FHIP1A: variants seen among roughly 807,000 people sequenced by gnomAD.
FHIP1A encodes the protein FHF complex subunit HOOK interacting protein 1A, also known as FHF complex subunit HOOK-interacting protein 1A.
Under a neutral mutation model 88.6 loss-of-function variants are expected in FHIP1A, and 61 were observed. The observed-to-expected ratio is 0.69, with a 90% CI of 0.56 to 0.85. FHIP1A has a LOEUF of 0.85. Ranked by LOEUF, FHIP1A falls within the 40% of genes least tolerant of loss-of-function variation. The pLI, the probability that FHIP1A is intolerant of heterozygous loss-of-function variation, is 0.00. For missense variants in FHIP1A, 1,154 were observed against 1,273.5 expected (o/e 0.91, Z 1.43); for synonymous variants, 478 against 496.0 (o/e 0.96, Z 0.48).
intron 7 of FHIP1A, among the ~76,000 whole-genome samples, chr4:151,598,109 G>T (rs112577749): frequency 8.5e-5 from 13 of 152,246 alleles, no homozygotes; most frequent in African/African-American, 2.9e-4. Context: ...AGCTAGCTCA[G>T]TGTCTGCCCA....
chr4:151,496,715 G>GGTTTTTTTTTTT (rs1340772492), intron 3 of FHIP1A, among the ~76,000 whole-genome samples: 1 of 61,166 alleles, frequency 1.6e-5, no homozygotes, highest in Non-Finnish European at 3.7e-5. Context: ...ACCACGTCCA[G>GGTTTTTTTTTTT]CTTTTTTTTT....
At chr4:151,420,373 G>A (rs1733076469) in intron 1 of FHIP1A, among the ~76,000 whole-genome samples, 1 of 35,508 alleles carries the variant, frequency 2.8e-5, no homozygotes, top group Non-Finnish European at 7.1e-5. Context: ...GTGTTTTTTG[G>A]CTGCATAAAT....
chr4:151,632,328 A>C (rs1202837975), intron 8 of FHIP1A, among the ~76,000 whole-genome samples: 1 of 151,942 alleles, frequency 6.6e-6, no homozygotes, highest in African/African-American at 2.4e-5. Context: ...AGAGTCCCCA[A>C]ATATATGAAA....
chr4:151,502,614 G>A, intron 3 of FHIP1A, among the ~76,000 whole-genome samples: 1 of 152,102 alleles, frequency 6.6e-6, no homozygotes, highest in East Asian at 1.9e-4. Flanking sequence ...AGAGCCTAAG[G>A]GACCTGTGGG....
intron 3 of FHIP1A, among the ~76,000 whole-genome samples, chr4:151,538,701 A>G (rs1365888981): frequency 6.6e-6 from 1 of 152,206 alleles, no homozygotes; most frequent in Non-Finnish European, 1.5e-5. Flanking sequence ...CTTTCTATAC[A>G]GAGTCAAGTT....
chr4:151,457,512 C>T (rs1179399181), intron 2 of FHIP1A, among the ~76,000 whole-genome samples: 1 of 152,174 alleles, frequency 6.6e-6, no homozygotes, highest in Non-Finnish European at 1.5e-5. Flanking sequence ...CTCACAAATT[C>T]TCCATGTTCC....
At chr4:151,488,740 G>A (rs996364231) in intron 3 of FHIP1A, among the ~76,000 whole-genome samples, 2 of 152,136 alleles carry the variant, frequency 1.3e-5, no homozygotes, top group African/African-American at 2.4e-5. Flanking sequence ...TGTTTGTTCA[G>A]TTACCTCTTT....
chr4:151,467,086 A>G (rs189925071), intron 2 of FHIP1A, among the ~76,000 whole-genome samples: 56 of 152,370 alleles, frequency 3.7e-4, no homozygotes, highest in Admixed American at 3.2e-3. Flanking sequence ...CTCATCTGAC[A>G]AAGGTCTAAT....
At chr4:151,580,334 A>C (rs1166325560) in intron 5 of FHIP1A, among the ~76,000 whole-genome samples, 1 of 152,192 alleles carries the variant, frequency 6.6e-6, no homozygotes, top group East Asian at 1.9e-4. Flanking sequence ...AGTTAAATTT[A>C]GGTTAAATAT....
intron 3 of FHIP1A, among the ~76,000 whole-genome samples, chr4:151,562,620 G>A (rs559199615): frequency 1.4e-3 from 214 of 152,118 alleles, no homozygotes; most frequent in African/African-American, 4.9e-3. Context: ...TCATTAGAGA[G>A]TATTTATTTA....
chr4:151,489,819 C>A (rs1730218239), intron 3 of FHIP1A, among the ~76,000 whole-genome samples: 1 of 152,076 alleles, frequency 6.6e-6, no homozygotes, highest in South Asian at 2.1e-4. Flanking sequence ...CAAATCCTAC[C>A]CAAGGAGAGT....
intron 8 of FHIP1A, 43 bp from the exon 9 acceptor site, chr4:151,638,634 C>T (rs896209777): frequency 7.5e-6 from 9 of 1,202,330 alleles, no homozygotes; most frequent in East Asian, 5.2e-5. Context: ...GTAGAGTTAT[C>T]GTTCCAACAT....
At chr4:151,643,201 C>A (rs1044960485) in intron 9 of FHIP1A, among the ~76,000 whole-genome samples, 2 of 152,070 alleles carry the variant, frequency 1.3e-5, no homozygotes, top group Admixed American at 6.6e-5. Context: ...TATTTCTAAT[C>A]TTTTCCTGTG....
intron 1 of FHIP1A, among the ~76,000 whole-genome samples, chr4:151,431,923 C>A (rs1733607063): frequency 6.6e-6 from 1 of 152,144 alleles, no homozygotes; most frequent in South Asian, 2.1e-4. Context: ...AATAGTTGCC[C>A]AAAGTCATAT....
chr4:151,466,266 A>G (rs1561507794), intron 2 of FHIP1A, among the ~76,000 whole-genome samples: 1 of 152,186 alleles, frequency 6.6e-6, no homozygotes, highest in Non-Finnish European at 1.5e-5. Context: ...TAGGAGTACA[A>G]CTTACAAGGG....
intron 1 of FHIP1A, among the ~76,000 whole-genome samples, chr4:151,435,790 A>G (rs1228387623): frequency 6.6e-6 from 1 of 151,400 alleles, no homozygotes; most frequent in East Asian, 1.9e-4. Context: ...GTGTCAAAAA[A>G]AAAAAAAAAA....
At chr4:151,436,706 T>C (rs1411104612) in intron 1 of FHIP1A, among the ~76,000 whole-genome samples, 1 of 152,184 alleles carries the variant, frequency 6.6e-6, no homozygotes, top group Non-Finnish European at 1.5e-5. Flanking sequence ...TGTGCTAGTC[T>C]AAATCTAAAT....
At chr4:151,631,908 A>G (rs1001254696) in intron 8 of FHIP1A, among the ~76,000 whole-genome samples, 1 of 152,176 alleles carries the variant, frequency 6.6e-6, no homozygotes, top group Non-Finnish European at 1.5e-5. Flanking sequence ...TGTAAGACAC[A>G]CAGAAAACAA....
chr4:151,457,150 A>G (rs1728994817), intron 2 of FHIP1A, among the ~76,000 whole-genome samples: 1 of 152,160 alleles, frequency 6.6e-6, no homozygotes, highest in Admixed American at 6.5e-5. Flanking sequence ...TAATTTTAAC[A>G]GTTTTTTTCC....
Sources: gnomAD v4.1 joint callset for allele counts (sites outside exome capture counted in the v4.1 genomes callset) on GRCh38, gnomAD v4.1.1 for gene constraint, MANE v1.5 for transcripts, NCBI Gene and HGNC (gene_info 2026-07-23, HGNC 2026-07-21) for gene names.